The following RASL10B variants were observed in gnomAD, a reference collection of about 807,000 sequenced individuals.
RASL10B encodes ras-like protein family member 10B.
RASL10B carries 10 observed loss-of-function variants against 20.7 expected under a neutral mutation model. The observed-to-expected ratio is 0.48, with a 90% CI of 0.30 to 0.82. RASL10B has a LOEUF of 0.82. RASL10B is among the 40% of genes least tolerant of loss of function. The pLI is 0.07. For synonymous variants in RASL10B, 110 were observed against 123.3 expected, an observed-to-expected ratio of 0.89 and a Z score of 0.72; for missense variants, 231 against 295.4, an observed-to-expected ratio of 0.78 and a Z score of 1.60.
rs1280731989 is a variant in RASL10B at position 35,740,541 on chromosome 17, G to C, written c.341+8G>C. 6.2e-7 allele frequency: 1 copy of C among 1,612,124 alleles called. No individual in the cohort carries two copies. Among genetic ancestry groups the C allele is most frequent in the Admixed American group, 1.7e-5 (1 of 59,988 alleles). On this transcript the variant is annotated splice_region_variant and intron_variant, in intron 3 of 3. Transcript: ENST00000603017. ...GCAGATCCTGGAGACGAGGTGAGAG[G>C]CTGGAACACAGTCCATTGCCACCTC...
intron 2 of RASL10B, among the ~76,000 whole-genome samples, chr17:35,739,443 G>A (rs146807767): frequency 2.4e-3 from 367 of 152,170 alleles, no homozygotes; most frequent in African/African-American, 8.2e-3. Context: ...CAGCTGGCAC[G>A]TTGACTAATG....
At chr17:35,737,833 G>A (rs1375659001) in intron 2 of RASL10B, among the ~76,000 whole-genome samples, 1 of 151,392 alleles carries the variant, frequency 6.6e-6, no homozygotes, top group Admixed American at 6.6e-5. Context: ...AGGCCGGGAG[G>A]TTGAGGCTGC....
rs1368219467 is a variant in RASL10B at position 35,741,330 on chromosome 17, C to G, written c.*25C>G. On this transcript the variant is annotated 3_prime_UTR_variant, in exon 4 of 4. Coordinates refer to ENST00000603017, the MANE Select transcript of RASL10B (RefSeq NM_033315.4). ...ACGCCTGCGCGCCCCTCGGGCTGCA[C>G]CGGCACTGGCCGAGCGGAGGGCGGG... The G allele has an allele frequency of 2.1e-6, 3 of 1,411,144 alleles. No individual in the cohort carries two copies. In the African/African-American group the frequency reaches 4.5e-5, roughly 21 times the overall value. The allele number at this position is 1,411,144 out of a possible 1,614,324, so 87.4% of individuals were successfully genotyped here.
chr17:35,734,704 C>T (rs2085579000), intron 1 of RASL10B, among the ~76,000 whole-genome samples: 1 of 152,208 alleles, frequency 6.6e-6, no homozygotes, highest in African/African-American at 2.4e-5. Flanking sequence ...GACACAGACT[C>T]AGAGGTGTTG....
chr17:35,741,561 C>A lies in RASL10B; in HGVS notation c.*256C>A, dbSNP rs1297934515. The A allele has an allele frequency of 2.2e-6, 1 of 448,182 alleles. No individual in the cohort carries two copies. The highest frequency in any genetic ancestry group is 2.0e-5 in the African/African-American group (1 of 49,158). 27.8% of individuals were successfully genotyped at this position (448,182 alleles called of 1,614,324 possible). On this transcript the variant is annotated 3_prime_UTR_variant, in exon 4 of 4. Transcript: ENST00000603017. ...TATTTAGTGCAGTGCCCGGCCCGAC[C>A]CGCGGGGGTGCCACAGCCTTTTGGG...
In RASL10B at chr17:35,741,435, C is replaced by A. The variant is rs1311529849; in HGVS notation, c.*130C>A. On this transcript the variant is annotated 3_prime_UTR_variant, in exon 4 of 4. Coordinates refer to ENST00000603017, the MANE Select transcript of RASL10B (RefSeq NM_033315.4). ...CCGGCCTGAGGCCCCTGCAGCCACG[C>A]ACCTCCCGGTGAGAAGCAGAGCGCG... The A allele has an allele frequency of 7.8e-7, 1 of 1,283,902 alleles. No homozygotes were observed. The highest frequency in any genetic ancestry group is 1.6e-5 in the African/African-American group (1 of 63,548). The allele number at this position is 1,283,902 out of a possible 1,614,324, so 79.5% of individuals were successfully genotyped here. A position where few individuals can be genotyped will look rare whatever the true frequency, so the allele number is the denominator to read the frequency against.
rs2085559855 is a variant in RASL10B, at chr17:35,731,883, G to T, written c.-148+5G>T. 6.6e-6 allele frequency: 1 copy of T among 151,816 alleles called. No individual in the cohort carries two copies. 9.4% of individuals were successfully genotyped at this position (151,816 alleles called of 1,614,324 possible). On this transcript the variant is annotated splice_donor_5th_base_variant and intron_variant, in intron 1 of 3. Transcript: ENST00000603017. ...GGGCAGCTAGGACGGCCCCGGGTAAGCGGCGGGAGGAGGGGAAGCGGTCAG... is the reference window on the plus strand; with the variant it reads ...GGGCAGCTAGGACGGCCCCGGGTAATCGGCGGGAGGAGGGGAAGCGGTCAG...
chr17:35,738,754 A>C (rs587691657), intron 2 of RASL10B, among the ~76,000 whole-genome samples: 1 of 152,120 alleles, frequency 6.6e-6, no homozygotes, highest in Non-Finnish European at 1.5e-5. Flanking sequence ...ACCCCCAGAG[A>C]GGAGTGGGTG....
chr17:35,736,157 G>T (rs1460323395), intron 2 of RASL10B, among the ~76,000 whole-genome samples: 8 of 152,184 alleles, frequency 5.3e-5, no homozygotes, highest in African/African-American at 1.9e-4. Context: ...CCCACTGCCT[G>T]CTGGAACCAG....
At chr17:35,732,819 T>G (rs1360603326) in intron 1 of RASL10B, among the ~76,000 whole-genome samples, 1 of 152,064 alleles carries the variant, frequency 6.6e-6, no homozygotes, top group East Asian at 1.9e-4. Flanking sequence ...CCCCTAGGAC[T>G]CCCCACTCCC....
At chr17:35,732,402 G>A (rs1235212508) in intron 1 of RASL10B, among the ~76,000 whole-genome samples, 1 of 152,252 alleles carries the variant, frequency 6.6e-6, no homozygotes, top group Non-Finnish European at 1.5e-5. Context: ...GCAGAGCGCA[G>A]GCCTTGGGGA....
In RASL10B at chr17:35,741,489, C is replaced by T; in HGVS notation, c.*184C>T. ...GGGAGCCCTCCGTAACTGCCCAGCCCTGCCCCTTGCCCCCGTGGCTTCCTG... is the reference window on the plus strand; with the variant it reads ...GGGAGCCCTCCGTAACTGCCCAGCCTTGCCCCTTGCCCCCGTGGCTTCCTG... On this transcript the variant is annotated 3_prime_UTR_variant, in exon 4 of 4. Coordinates refer to ENST00000603017, the MANE Select transcript of RASL10B (RefSeq NM_033315.4). 1.1e-6 allele frequency: 1 copy of T among 919,012 alleles called. No individual in the cohort carries two copies. Among genetic ancestry groups the T allele is most frequent in the Non-Finnish European group, 1.5e-6 (1 of 668,774 alleles). The allele number at this position is 919,012 out of a possible 1,614,324, so 56.9% of individuals were successfully genotyped here.
At chr17:35,733,089 A>G (rs944985814) in intron 1 of RASL10B, among the ~76,000 whole-genome samples, 13 of 152,294 alleles carry the variant, frequency 8.5e-5, no homozygotes, top group Middle Eastern at 3.4e-3. Flanking sequence ...CACTTCCCTA[A>G]GTCACTGGGT....
intron 2 of RASL10B, among the ~76,000 whole-genome samples, chr17:35,738,621 C>T (rs2085609768): frequency 6.6e-6 from 1 of 152,194 alleles, no homozygotes; most frequent in South Asian, 2.1e-4. Context: ...TCTATTGCTC[C>T]TTCTCTGTCT....
chr17:35,740,561 C>A, intron 3 of RASL10B, 28 bp downstream of exon 3: 2 of 1,607,210 alleles, frequency 1.2e-6, no homozygotes, highest in Middle Eastern at 1.8e-4. Context: ...AGTCCATTGC[C>A]ACCTCTGTGG....
Position 35,735,053 on chromosome 17 carries a change from C to T in RASL10B, c.-132C>T. On this transcript the variant is annotated 5_prime_UTR_variant, in exon 2 of 4. Transcript: ENST00000603017. This position sits in a 1 kb window ranked among gnomAD's most constrained non-coding sequence, Gnocchi z 6.7. ...GTCCCCACAGTCCAGGTGGAGGCCG[C>T]AGAGGGCCCAGGGCAAGCAGAGGCA... 1.1e-6 allele frequency: 1 copy of T among 908,302 alleles called. No homozygotes were observed. The highest frequency in any genetic ancestry group is 1.7e-6 in the Non-Finnish European group (1 of 577,566). The allele number at this position is 908,302 out of a possible 1,614,324, so 56.3% of individuals were successfully genotyped here.
chr17:35,735,941 T>C lies in RASL10B; in HGVS notation c.216+541T>C, dbSNP rs2143019638. Reference sequence around the variant, plus strand: ...CCTACCGTAACCTCACTCCACATCCTCTGGAGAAGGGACAGCAGCAGAACA... The same window carrying C: ...CCTACCGTAACCTCACTCCACATCCCCTGGAGAAGGGACAGCAGCAGAACA... On this transcript the variant is annotated intron_variant, in intron 2 of 3. Transcript: ENST00000603017. This position sits in a 1 kb window ranked among gnomAD's most constrained non-coding sequence, Gnocchi z 6.7. 6.6e-6 allele frequency among the ~76,000 whole-genome samples: 1 copy of C among 152,242 alleles called. No individual in the cohort carries two copies. The highest frequency in any genetic ancestry group is 1.5e-5 in the Non-Finnish European group (1 of 67,996).
chr17:35,741,284 C>A lies in RASL10B; in HGVS notation c.591C>A (p.Arg197=). Reference sequence around the variant, plus strand: ...TGCGCTTCCAGGGCGCGCTGCGCCGCAACCGCTGCGCCATCATGTGACGCC... The same window carrying A: ...TGCGCTTCCAGGGCGCGCTGCGCCGAAACCGCTGCGCCATCATGTGACGCC... ...AALRFQGALR[R]NRCAIM Residue 197 remains arginine (R), a synonymous_variant, in exon 4 of 4, where the codon CGC becomes CGA. Coordinates refer to ENST00000603017, the MANE Select transcript of RASL10B (RefSeq NM_033315.4). 1 of 1,522,900 alleles carries A rather than the reference C, an allele frequency of 6.6e-7. No individual in the cohort carries two copies. Among genetic ancestry groups the A allele is most frequent in the South Asian group, 1.2e-5 (1 of 82,074 alleles). 94.3% of individuals were successfully genotyped at this position (1,522,900 alleles called of 1,614,324 possible).
chr17:35,741,096 G>A lies in RASL10B; in HGVS notation c.403G>A (p.Gly135Arg), dbSNP rs1394455612. Reference sequence around the variant, plus strand: ...GGGCAACAAGCGGGACCTGCAGCGCGGACGCGTGATCCCGCGCTGGAACGT... The same window carrying A: ...GGGCAACAAGCGGGACCTGCAGCGCAGACGCGTGATCCCGCGCTGGAACGT... ...IVGNKRDLQR[G>R]RVIPRWNVSH... is the part of the protein sequence containing the mutation. Residue 135 changes from glycine to arginine, a missense_variant, in exon 4 of 4, where the codon GGA becomes AGA. Coordinates refer to ENST00000603017, the MANE Select transcript of RASL10B (RefSeq NM_033315.4). 1.9e-6 allele frequency: 3 copies of A among 1,613,134 alleles called. No homozygotes were observed. The highest frequency in any genetic ancestry group is 1.3e-5 in the African/African-American group (1 of 75,068).
Sources: allele counts gnomAD v4.1 joint callset (sites outside exome capture counted in the v4.1 genomes callset), GRCh38; gene constraint gnomAD v4.1.1; non-coding constraint Gnocchi (gnomAD v3.1); transcripts MANE v1.5; gene names NCBI Gene and HGNC (gene_info 2026-07-23, HGNC 2026-07-21).